The following STK24 variants were observed in gnomAD, a reference collection of about 807,000 sequenced individuals.
STK24 encodes serine/threonine-protein kinase 24.
A neutral mutation model predicts 55.6 loss-of-function variants in STK24; 21 were observed. That is an observed-to-expected ratio of 0.38 (90% CI 0.27 to 0.54). The LOEUF (loss-of-function observed/expected upper bound fraction) is 0.54, where lower values mean the gene tolerates loss of function less well. Among genes scored for constraint, STK24 ranks in the 20% least tolerant of loss-of-function variants. STK24 has a pLI of 0.79. For synonymous variants in STK24, 200 were observed against 215.2 expected (o/e 0.93, Z 0.62); for missense variants, 383 against 538.4 (o/e 0.71, Z 2.86).
At chr13:98,470,900 A>G (rs1894118969) in intron 5 of STK24, among the ~76,000 whole-genome samples, 1 of 152,274 alleles carries the variant, frequency 6.6e-6, no homozygotes, top group Non-Finnish European at 1.5e-5. Flanking sequence ...GTAATCAATC[A>G]AAACAAAATC....
intron 1 of STK24, among the ~76,000 whole-genome samples, chr13:98,550,613 C>T (rs997120484): frequency 1.3e-5 from 2 of 152,172 alleles, no homozygotes; most frequent in African/African-American, 4.8e-5. Flanking sequence ...GTATTTATCA[C>T]TCAAGTCCAG....
At chr13:98,537,452 G>A (rs959708265) in intron 1 of STK24, among the ~76,000 whole-genome samples, 5 of 152,206 alleles carry the variant, frequency 3.3e-5, no homozygotes, top group African/African-American at 9.6e-5. Flanking sequence ...CAAGTGAGGC[G>A]AGTGCAGCTG....
chr13:98,469,543 C>G (rs34187339), intron 5 of STK24, among the ~76,000 whole-genome samples: 36,992 of 136,262 alleles, frequency 0.27, 4,697 homozygotes, highest in Non-Finnish European at 0.33. Context: ...ATCCCCCCCC[C>G]CAAAAAAAAA....
At chr13:98,478,528 A>G (rs1410898299) in intron 3 of STK24, among the ~76,000 whole-genome samples, 9 of 152,184 alleles carry the variant, frequency 5.9e-5, no homozygotes, top group Admixed American at 5.9e-4. Flanking sequence ...TGCTGAAGCC[A>G]CCCACCAGCA....
chr13:98,567,820 G>C (rs1323776735), intron 1 of STK24, among the ~76,000 whole-genome samples: 1 of 151,612 alleles, frequency 6.6e-6, no homozygotes, highest in Non-Finnish European at 1.5e-5. Flanking sequence ...GCATCTAATT[G>C]GGTCAATCCT....
chr13:98,496,680 T>C (rs1895263495), intron 2 of STK24, among the ~76,000 whole-genome samples: 1 of 152,230 alleles, frequency 6.6e-6, no homozygotes, highest in Admixed American at 6.5e-5. Context: ...GAGCTGCACA[T>C]GTGATCCTGT....
At chr13:98,521,482 C>A (rs978330948) in intron 1 of STK24, among the ~76,000 whole-genome samples, 2 of 152,092 alleles carry the variant, frequency 1.3e-5, no homozygotes, top group African/African-American at 2.4e-5. Context: ...TTTTGGAGCT[C>A]GTGAGCAGCC....
intron 1 of STK24, among the ~76,000 whole-genome samples, chr13:98,563,223 C>A (rs1362637385): frequency 1.3e-5 from 2 of 152,202 alleles, no homozygotes; most frequent in African/African-American, 4.8e-5. Context: ...CCGATGGCCC[C>A]AGGTCAATTT....
chr13:98,557,974 A>G (rs2139446016), intron 1 of STK24, among the ~76,000 whole-genome samples: 1 of 152,262 alleles, frequency 6.6e-6, no homozygotes, highest in South Asian at 2.1e-4. Context: ...TGTTTCCTTT[A>G]TTAATCTTCA....
Position 98,445,607 on chromosome 13 carries a change from T to C in STK24, c.*7566A>G, listed in dbSNP as rs1892779766. 6.5e-6 allele frequency: 1 copy of C among 153,768 alleles called. No individual in the cohort carries two copies. Among genetic ancestry groups the C allele is most frequent in the Admixed American group, 6.5e-5 (1 of 15,330 alleles). The allele number at this position is 153,768 out of a possible 1,614,324, so 9.5% of individuals were successfully genotyped here. A position where few individuals can be genotyped will look rare whatever the true frequency, so the allele number is the denominator to read the frequency against. On this transcript the variant is annotated 3_prime_UTR_variant, in exon 11 of 11. Coordinates refer to ENST00000539966, the MANE Select transcript of STK24 (RefSeq NM_001032296.4). ...AAAACGAGTGCTGCTCTGAGCTTGT[T>C]GGGATGGATCTTTCCCTCCTTCAGC...
chr13:98,512,421 C>A (rs1248281529), intron 2 of STK24, among the ~76,000 whole-genome samples: 6 of 152,086 alleles, frequency 3.9e-5, no homozygotes, highest in African/African-American at 1.4e-4. Context: ...CAGCAATTGA[C>A]TTAGAGCGAA....
intron 5 of STK24, among the ~76,000 whole-genome samples, chr13:98,468,423 A>G (rs918043733): frequency 1.6e-4 from 24 of 152,236 alleles, no homozygotes; most frequent in African/African-American, 5.3e-4. Flanking sequence ...TGCCCCTAGG[A>G]GCAGGGAAGC....
rs765278542 is a variant in STK24 at position 98,447,412 on chromosome 13, T to A, written c.*5761A>T. The A allele has an allele frequency of 6.6e-6, 1 of 152,486 alleles. No homozygotes were observed. The highest frequency in any genetic ancestry group is 1.5e-5 in the Non-Finnish European group (1 of 68,328). 9.4% of individuals were successfully genotyped at this position (152,486 alleles called of 1,614,324 possible). A position where few individuals can be genotyped will look rare whatever the true frequency, so the allele number is the denominator to read the frequency against. ...CTGATCCTGGACTGAGCTCGAGAGC[T>A]GGGTTGAGAGCTGGGTTGATCAAAG... On this transcript the variant is annotated 3_prime_UTR_variant, in exon 11 of 11. Coordinates refer to ENST00000539966, the MANE Select transcript of STK24 (RefSeq NM_001032296.4).
At position 98,452,653 on chromosome 13, in the gene STK24, C is replaced by T. The variant is rs1225168241; in HGVS notation, c.*520G>A. ...GCCTGTCGAATATTTACTCCACTGA[C>T]GTTATCTACAGAAGCACTTGGCCAG... On this transcript the variant is annotated 3_prime_UTR_variant, in exon 11 of 11. Transcript: ENST00000539966. The T allele has an allele frequency of 2.0e-5, 3 of 152,964 alleles. No homozygotes were observed. Among genetic ancestry groups the T allele is most frequent in the Admixed American group, 6.5e-5 (1 of 15,308 alleles). 9.5% of individuals were successfully genotyped at this position (152,964 alleles called of 1,614,324 possible). A position where few individuals can be genotyped will look rare whatever the true frequency, so the allele number is the denominator to read the frequency against.
At chr13:98,552,052 T>A (rs1897172171) in intron 1 of STK24, among the ~76,000 whole-genome samples, 1 of 152,204 alleles carries the variant, frequency 6.6e-6, no homozygotes, top group Non-Finnish European at 1.5e-5. Flanking sequence ...TAGTGAACAA[T>A]CCTTTGCAGT....
At chr13:98,466,617 A>T in intron 5 of STK24, 56 bp from the exon 6 acceptor site, 1 of 1,565,328 alleles carries the variant, frequency 6.4e-7, no homozygotes, top group South Asian at 1.2e-5. Flanking sequence ...TCCAATACAC[A>T]GTATTTAGGG....
intron 2 of STK24, among the ~76,000 whole-genome samples, chr13:98,499,634 G>A (rs1169094377): frequency 6.6e-6 from 1 of 152,154 alleles, no homozygotes; most frequent in Non-Finnish European, 1.5e-5. Flanking sequence ...TGCAGAGACT[G>A]GAAACCCAGG....
chr13:98,497,377 T>C (rs940301231), intron 2 of STK24, among the ~76,000 whole-genome samples: 12 of 152,148 alleles, frequency 7.9e-5, no homozygotes, highest in Admixed American at 6.5e-5. Context: ...ATGAACAAAA[T>C]TTATAAGGCA....
At chr13:98,552,948 C>T (rs1426941637) in intron 1 of STK24, among the ~76,000 whole-genome samples, 4 of 152,036 alleles carry the variant, frequency 2.6e-5, no homozygotes, top group African/African-American at 7.2e-5. Flanking sequence ...TGAGCTCCAC[C>T]GTCAGCGATG....
Sources: gnomAD v4.1 joint callset for allele counts (sites outside exome capture counted in the v4.1 genomes callset) on GRCh38, gnomAD v4.1.1 for gene constraint, MANE v1.5 for transcripts, NCBI Gene and HGNC (gene_info 2026-07-23, HGNC 2026-07-21) for gene names.